NFATC2: variants seen among roughly 807,000 people sequenced by gnomAD.
The protein encoded by NFATC2 is nuclear factor of activated T-cells, cytoplasmic 2.
A neutral mutation model predicts 87.3 loss-of-function variants in NFATC2; 22 were observed. The ratio of observed to expected loss-of-function variants is 0.25; its 90% CI spans 0.18 to 0.36. NFATC2 has a LOEUF of 0.36. Among genes scored for constraint, NFATC2 ranks in the 10% least tolerant of loss-of-function variants. The probability of loss-of-function intolerance (pLI) is 1.00; values close to 1 mark genes in which losing one functional copy is unlikely to be tolerated. For synonymous variants in NFATC2, 565 were observed against 542.2 expected (o/e 1.04, Z -0.58); for missense variants, 1,149 against 1,259.1 (o/e 0.91, Z 1.32).
chr20:51,516,156 A>C (rs2076347183), intron 3 of NFATC2, among the ~76,000 whole-genome samples: 2 of 152,162 alleles, frequency 1.3e-5, no homozygotes, highest in South Asian at 4.1e-4. Context: ...CTGAGGTTAA[A>C]TCAAAAGCCA....
At chr20:51,399,685 C>G (rs375110309) in intron 9 of NFATC2, among the ~76,000 whole-genome samples, 122 of 152,254 alleles carry the variant, frequency 8.0e-4, no homozygotes, top group Middle Eastern at 3.4e-3. Context: ...CACTTCATCT[C>G]TCCTCCTTTT....
upstream of NFATC2, among the ~76,000 whole-genome samples, chr20:51,544,892 T>G (rs1348029971): frequency 6.6e-6 from 1 of 152,304 alleles, no homozygotes; most frequent in South Asian, 2.1e-4. Context: ...CAGGAATCAT[T>G]TCAGAGTCTT....
At chr20:51,553,864 T>A (rs1749771699) in intron 1 of NFATC2, among the ~76,000 whole-genome samples, 2 of 152,078 alleles carry the variant, frequency 1.3e-5, no homozygotes, top group East Asian at 3.9e-4. Flanking sequence ...GAGTATTGGT[T>A]AATATCTGCC....
intron 9 of NFATC2, among the ~76,000 whole-genome samples, chr20:51,422,864 A>G (rs535615795): frequency 6.6e-6 from 1 of 152,346 alleles, no homozygotes; most frequent in South Asian, 2.1e-4. Context: ...CTAGTGTATG[A>G]AATGAGTTGA....
At chr20:51,451,182 C>T (rs548233488) in intron 6 of NFATC2, among the ~76,000 whole-genome samples, 2 of 152,186 alleles carry the variant, frequency 1.3e-5, no homozygotes, top group Non-Finnish European at 2.9e-5. Context: ...CCCTGCACCC[C>T]ACTTTGCAGG....
intron 9 of NFATC2, among the ~76,000 whole-genome samples, chr20:51,426,917 G>C (rs900209059): frequency 2.6e-5 from 4 of 152,028 alleles, no homozygotes; most frequent in African/African-American, 9.7e-5. Flanking sequence ...TTTACATGAA[G>C]AACAGGGCAG....
chr20:51,463,223 A>G (rs778081555), intron 5 of NFATC2, among the ~76,000 whole-genome samples: 3 of 152,176 alleles, frequency 2.0e-5, no homozygotes, highest in Non-Finnish European at 4.4e-5. Context: ...TTCCCTGGGA[A>G]GTGGGAGAGT....
chr20:51,514,643 T>G (rs951632378), intron 3 of NFATC2, among the ~76,000 whole-genome samples: 6 of 152,014 alleles, frequency 3.9e-5, no homozygotes, highest in Non-Finnish European at 7.4e-5. Flanking sequence ...GAGGCCGAGG[T>G]GGGTGGATCA....
chr20:51,394,244 C>T (rs2146204790), intron 10 of NFATC2, among the ~76,000 whole-genome samples: 1 of 152,186 alleles, frequency 6.6e-6, no homozygotes, highest in East Asian at 1.9e-4. Flanking sequence ...CCACACTGGG[C>T]TTTAAGTTCT....
At chr20:51,553,105 G>A (rs1392192260) in intron 1 of NFATC2, among the ~76,000 whole-genome samples, 6 of 151,522 alleles carry the variant, frequency 4.0e-5, no homozygotes, top group Non-Finnish European at 5.9e-5. Flanking sequence ...GGCAGATCCC[G>A]CCACTCCAGG....
At chr20:51,560,252 A>C (rs762186598) in intron 1 of NFATC2, among the ~76,000 whole-genome samples, 6 of 152,218 alleles carry the variant, frequency 3.9e-5, no homozygotes, top group Non-Finnish European at 8.8e-5. Context: ...ACAGATGAGA[A>C]AAGTGTGGCA....
intron 5 of NFATC2, among the ~76,000 whole-genome samples, chr20:51,470,378 CTG>C (rs1988090641): frequency 6.6e-6 from 1 of 152,156 alleles, no homozygotes; most frequent in South Asian, 2.1e-4. Context: ...GAGTGCCAGT[CTG>C]TGCAAAAGTG....
chr20:51,474,361 G>C (rs992331525), intron 4 of NFATC2, among the ~76,000 whole-genome samples: 1 of 152,146 alleles, frequency 6.6e-6, no homozygotes, highest in Non-Finnish European at 1.5e-5. Context: ...TACTTGTCTA[G>C]GGAGATTTTT....
At chr20:51,514,989 G>C (rs1035964793) in intron 3 of NFATC2, among the ~76,000 whole-genome samples, 1 of 152,216 alleles carries the variant, frequency 6.6e-6, no homozygotes, top group Non-Finnish European at 1.5e-5. Flanking sequence ...CTTCATTTCA[G>C]CTCTCTGCCT....
chr20:51,444,995 C>T (rs1052573718), intron 6 of NFATC2, among the ~76,000 whole-genome samples: 1 of 152,162 alleles, frequency 6.6e-6, no homozygotes, highest in African/African-American at 2.4e-5. Flanking sequence ...CCCACCGGGA[C>T]AACTGGTCCA....
At chr20:51,408,432 T>C (rs944093518) in intron 9 of NFATC2, among the ~76,000 whole-genome samples, 1 of 147,014 alleles carries the variant, frequency 6.8e-6, no homozygotes, top group Non-Finnish European at 1.5e-5. Flanking sequence ...GAGAATCCCA[T>C]GAACCCAGGA....
At chr20:51,395,417 G>T (rs936867763) in intron 10 of NFATC2, among the ~76,000 whole-genome samples, 4 of 149,536 alleles carry the variant, frequency 2.7e-5, no homozygotes. Flanking sequence ...GTCAGGGGAC[G>T]GCTATGGCAG....
intron 10 of NFATC2, 42 bp from the exon 11 acceptor site, chr20:51,391,493 A>C (rs757402231): frequency 6.9e-6 from 11 of 1,589,900 alleles, no homozygotes; most frequent in Non-Finnish European, 9.5e-6. Context: ...AGAATGGGGC[A>C]AGTGAGAGGG....
chr20:51,525,656 T>C (rs1407638323), intron 1 of NFATC2, among the ~76,000 whole-genome samples: 2 of 151,948 alleles, frequency 1.3e-5, no homozygotes, highest in Non-Finnish European at 2.9e-5. Flanking sequence ...TCATCAGCCC[T>C]GACTGCTCCA....
Sources: gnomAD v4.1 joint callset for allele counts (sites outside exome capture counted in the v4.1 genomes callset) on GRCh38, gnomAD v4.1.1 for gene constraint, MANE v1.5 for transcripts, NCBI Gene and HGNC (gene_info 2026-07-23, HGNC 2026-07-21) for gene names.